SLC8A1: variants seen among roughly 807,000 people sequenced by gnomAD.
SLC8A1 encodes the protein solute carrier family 8 member A1.
A neutral mutation model predicts 68.3 loss-of-function variants in SLC8A1; 18 were observed. The ratio of observed to expected loss-of-function variants is 0.26; its 90% CI spans 0.18 to 0.39. The LOEUF is 0.39. SLC8A1 is among the 10% of genes least tolerant of loss of function. The probability of loss-of-function intolerance (pLI) is 1.00; values close to 1 mark genes in which losing one functional copy is unlikely to be tolerated. For missense variants in SLC8A1, 985 were observed against 1,156.7 expected (o/e 0.85, Z 2.15); for synonymous variants, 475 against 415.5 (o/e 1.14, Z -1.74).
At chr2:40,292,344 T>A (rs1361943114) in intron 2 of SLC8A1, among the ~76,000 whole-genome samples, 1 of 152,166 alleles carries the variant, frequency 6.6e-6, no homozygotes, top group Non-Finnish European at 1.5e-5. Flanking sequence ...CCCTGCCTCA[T>A]AATTTGATGG....
At chr2:40,186,527 G>T (rs1279181990) in intron 2 of SLC8A1, among the ~76,000 whole-genome samples, 1 of 152,070 alleles carries the variant, frequency 6.6e-6, no homozygotes, top group African/African-American at 2.4e-5. Context: ...AGGACAGGTT[G>T]CTATTCATAT....
chr2:40,191,832 A>T (rs988413986), intron 2 of SLC8A1, among the ~76,000 whole-genome samples: 1 of 152,100 alleles, frequency 6.6e-6, no homozygotes, highest in African/African-American at 2.4e-5. Context: ...CTTCACCCCT[A>T]TTTCAGCTTT....
intron 2 of SLC8A1, among the ~76,000 whole-genome samples, chr2:40,221,294 C>G (rs1432143676): frequency 6.6e-6 from 1 of 152,164 alleles, no homozygotes; most frequent in East Asian, 1.9e-4. Context: ...ATGATTATCT[C>G]AATAGATGCA....
intron 1 of SLC8A1, among the ~76,000 whole-genome samples, chr2:40,460,573 A>C (rs1056534856): frequency 1.6e-5 from 2 of 124,494 alleles, no homozygotes; most frequent in Admixed American, 9.1e-5. Context: ...GACTGTAAGT[A>C]TTTTTTAATT....
Position 40,177,251 on chromosome 2 carries a change from C to T in SLC8A1, c.1912+501G>A, listed in dbSNP as rs376598385. On this transcript the variant is annotated intron_variant, in intron 3 of 7. Transcript: ENST00000406785. Reference sequence around the variant, plus strand: ...TTTGTTCTTATTAAATATTTTTAAACTGTGTTCTCCAAAGAAGCCTAATTA... The same window carrying T: ...TTTGTTCTTATTAAATATTTTTAAATTGTGTTCTCCAAAGAAGCCTAATTA... Among the ~76,000 whole-genome samples the T allele has an allele frequency of 3.3e-5, 5 of 152,202 alleles. No homozygotes were observed. In the East Asian group the frequency reaches 5.8e-4, roughly 18 times the overall value.
At chr2:40,362,833 A>G (rs889389265) in intron 2 of SLC8A1, among the ~76,000 whole-genome samples, 4 of 152,162 alleles carry the variant, frequency 2.6e-5, no homozygotes, top group African/African-American at 9.7e-5. Context: ...CTGTGTTCTC[A>G]TAATTATAAA....
chr2:40,293,365 G>A (rs894475357), intron 2 of SLC8A1, among the ~76,000 whole-genome samples: 67 of 152,212 alleles, frequency 4.4e-4, no homozygotes, highest in African/African-American at 1.6e-3. Context: ...AATGAAGACT[G>A]CAAAAAATTG....
intron 2 of SLC8A1, among the ~76,000 whole-genome samples, chr2:40,288,285 T>G (rs1185324635): frequency 6.6e-6 from 1 of 152,202 alleles, no homozygotes; most frequent in Non-Finnish European, 1.5e-5. Context: ...CAGAATCACA[T>G]TTTAGGAAAG....
intron 2 of SLC8A1, among the ~76,000 whole-genome samples, chr2:40,238,213 G>A (rs10153786): frequency 0.12 from 17,701 of 151,788 alleles, 1,090 homozygotes; most frequent in Non-Finnish European, 0.13. Context: ...CCTCGCTGCC[G>A]CCTTGCAGTT....
chr2:40,267,311 G>A (rs756822012), intron 2 of SLC8A1, among the ~76,000 whole-genome samples: 9 of 152,130 alleles, frequency 5.9e-5, no homozygotes, highest in Admixed American at 2.6e-4. Flanking sequence ...CCTGTGCTGG[G>A]AAAATATGGA....
chr2:40,297,539 T>C (rs1340577892), intron 2 of SLC8A1, among the ~76,000 whole-genome samples: 1 of 152,218 alleles, frequency 6.6e-6, no homozygotes, highest in Non-Finnish European at 1.5e-5. Context: ...TTTCAGTACA[T>C]CAATACATCT....
chr2:40,264,380 G>A (rs1357791060), intron 2 of SLC8A1, among the ~76,000 whole-genome samples: 3 of 151,990 alleles, frequency 2.0e-5, no homozygotes, highest in Admixed American at 2.0e-4. Context: ...AAATCATGCT[G>A]CTATAAAGAC....
At chr2:40,343,856 A>G (rs771226148) in intron 2 of SLC8A1, among the ~76,000 whole-genome samples, 1 of 152,204 alleles carries the variant, frequency 6.6e-6, no homozygotes, top group Admixed American at 6.5e-5. Context: ...TAATGATTGG[A>G]TGAGTCTTAC....
At chr2:40,217,226 C>T (rs753791114) in intron 2 of SLC8A1, among the ~76,000 whole-genome samples, 10 of 152,128 alleles carry the variant, frequency 6.6e-5, no homozygotes, top group Non-Finnish European at 1.0e-4. Flanking sequence ...GTTTTTCTAC[C>T]ACCATTTATT....
At chr2:40,158,479 G>A (rs996174319) in intron 6 of SLC8A1, among the ~76,000 whole-genome samples, 2 of 152,136 alleles carry the variant, frequency 1.3e-5, no homozygotes, top group Non-Finnish European at 2.9e-5. Flanking sequence ...TTTCCAAGCG[G>A]TCATTTAGAA....
At chr2:40,458,014 G>A (rs1418415866) in intron 1 of SLC8A1, among the ~76,000 whole-genome samples, 3 of 152,106 alleles carry the variant, frequency 2.0e-5, no homozygotes, top group Non-Finnish European at 4.4e-5. Flanking sequence ...GCCTCTATTG[G>A]TCAGAAGTCG....
At chr2:40,344,408 C>G (rs1405275867) in intron 2 of SLC8A1, among the ~76,000 whole-genome samples, 1 of 152,036 alleles carries the variant, frequency 6.6e-6, no homozygotes, top group Non-Finnish European at 1.5e-5. Flanking sequence ...GACTTCTATC[C>G]AACCCACTCA....
rs1558498741 is a variant in SLC8A1 at position 40,139,684 on chromosome 2, G to A, written c.2162-8C>T. 1 of 1,610,230 alleles carries A rather than the reference G, an allele frequency of 6.2e-7. No homozygotes were observed. Among genetic ancestry groups the A allele is most frequent in the Non-Finnish European group, 8.5e-7 (1 of 1,177,426 alleles). ...CGTCGTCATCATCTTCCCCTAGAGA[G>A]AATGGAAGGAAGCACATTTCATCAC... On this transcript the variant is annotated splice_region_variant and splice_polypyrimidine_tract_variant and intron_variant, in intron 6 of 7. Coordinates refer to ENST00000406785, the Ensembl canonical transcript of SLC8A1.
At chr2:40,468,277 C>T (rs1463095881) in intron 1 of SLC8A1, among the ~76,000 whole-genome samples, 4 of 152,026 alleles carry the variant, frequency 2.6e-5, no homozygotes, top group African/African-American at 4.8e-5. Flanking sequence ...TAAGCATTTA[C>T]GTATTTAAAA....
Sources: gnomAD v4.1 joint callset for allele counts (sites outside exome capture counted in the v4.1 genomes callset) on GRCh38, gnomAD v4.1.1 for gene constraint, MANE v1.5 for transcripts, NCBI Gene and HGNC (gene_info 2026-07-23, HGNC 2026-07-21) for gene names.